ZFHX3: variants seen among roughly 807,000 people sequenced by gnomAD.
The protein encoded by ZFHX3 is zinc finger homeobox protein 3.
In ZFHX3, 42 loss-of-function variants were observed where a neutral mutation model predicts 279.1. That is an observed-to-expected ratio of 0.15 (90% CI 0.12 to 0.19). The LOEUF (loss-of-function observed/expected upper bound fraction) is 0.19, where lower values mean the gene tolerates loss of function less well. Ranked by LOEUF, ZFHX3 falls within the 10% of genes least tolerant of loss-of-function variation. The pLI, the probability that ZFHX3 is intolerant of heterozygous loss-of-function variation, is 1.00. For synonymous variants in ZFHX3, 2,293 were observed against 1,957.8 expected, an observed-to-expected ratio of 1.17 and a Z score of -4.52; for missense variants, 4,981 against 4,754.0, an observed-to-expected ratio of 1.05 and a Z score of -1.40.
At chr16:73,558,678 C>G (rs375860437) in intron 2 of ZFHX3, among the ~76,000 whole-genome samples, 27 of 151,888 alleles carry the variant, frequency 1.8e-4, no homozygotes. Flanking sequence ...AGCCCCTCCC[C>G]CCACACGCAC....
intron 3 of ZFHX3, among the ~76,000 whole-genome samples, chr16:73,447,460 C>A (rs567135257): frequency 2.0e-5 from 3 of 152,034 alleles, no homozygotes; most frequent in Non-Finnish European, 4.4e-5. Flanking sequence ...CCCCACAGTT[C>A]GGAGAAAAGC....
Position 72,849,533 on chromosome 16 carries a change from C to T in ZFHX3, c.3449-19674G>A, listed in dbSNP as rs193202179. On this transcript the variant is annotated intron_variant, in intron 4 of 9. Transcript: ENST00000268489. ...ATGCCCTGCCCACTTTCCACACTGC[C>T]ACTCATGGCACTAACCAGTGCATTA... 1.8e-4 allele frequency among the ~76,000 whole-genome samples: 27 copies of T among 152,312 alleles called. 1 individual carries two copies. In the East Asian group the frequency reaches 4.1e-3, roughly 23 times the overall value.
intron 5 of ZFHX3, among the ~76,000 whole-genome samples, chr16:73,238,509 T>G (rs1200959621): frequency 6.6e-6 from 1 of 152,172 alleles, no homozygotes; most frequent in African/African-American, 2.4e-5. Context: ...TTTTATTGTA[T>G]TCCTATCGCT....
intron 3 of ZFHX3, among the ~76,000 whole-genome samples, chr16:73,343,508 T>C (rs1353592109): frequency 6.6e-6 from 1 of 152,178 alleles, no homozygotes; most frequent in African/African-American, 2.4e-5. Context: ...GAGGAATGCT[T>C]GATCCCAGGA....
intron 1 of ZFHX3, among the ~76,000 whole-genome samples, chr16:73,845,025 G>A (rs1212621254): frequency 6.6e-6 from 1 of 152,108 alleles, no homozygotes; most frequent in African/African-American, 2.4e-5. Context: ...AAAGAAGGAA[G>A]AGGTGGTAGG....
At chr16:73,090,911 GAAAAA>G (rs57632636) in intron 8 of ZFHX3, among the ~76,000 whole-genome samples, 13 of 108,316 alleles carry the variant, frequency 1.2e-4, no homozygotes, top group African/African-American at 1.0e-4. Context: ...ATCCCATATT[GAAAAA>G]AAAAAAAAAA....
intron 3 of ZFHX3, among the ~76,000 whole-genome samples, chr16:73,440,602 C>G (rs1245502948): frequency 6.6e-6 from 1 of 152,174 alleles, no homozygotes; most frequent in African/African-American, 2.4e-5. Flanking sequence ...ACTATTGATT[C>G]ACAGTGGTGC....
intron 1 of ZFHX3, among the ~76,000 whole-genome samples, chr16:73,739,222 G>A (rs2053633245): frequency 6.6e-6 from 1 of 152,194 alleles, no homozygotes; most frequent in Non-Finnish European, 1.5e-5. Flanking sequence ...AGATACACAG[G>A]AGTTGTGCAT....
At chr16:73,651,801 G>A (rs1304204482) in intron 2 of ZFHX3, among the ~76,000 whole-genome samples, 1 of 147,944 alleles carries the variant, frequency 6.8e-6, no homozygotes, top group African/African-American at 2.5e-5. Context: ...CGAGCAGTGA[G>A]CGCAGATCAC....
intron 2 of ZFHX3, among the ~76,000 whole-genome samples, chr16:73,463,132 T>A (rs981997677): frequency 6.6e-6 from 1 of 152,230 alleles, no homozygotes; most frequent in Admixed American, 6.5e-5. Flanking sequence ...ATACTCATAG[T>A]TTCTGCTTCC....
At chr16:73,167,321 C>T (rs1478026778) in intron 5 of ZFHX3, among the ~76,000 whole-genome samples, 1 of 152,238 alleles carries the variant, frequency 6.6e-6, no homozygotes. Flanking sequence ...CAGCCCCCCT[C>T]CCTCCCAGCC....
chr16:72,882,047 G>T (rs1436799031), intron 4 of ZFHX3, among the ~76,000 whole-genome samples: 3 of 152,034 alleles, frequency 2.0e-5, no homozygotes, highest in Non-Finnish European at 4.4e-5. Flanking sequence ...GCCAACGGGG[G>T]TCTCTGGCAT....
intron 1 of ZFHX3, among the ~76,000 whole-genome samples, chr16:73,808,166 TGGGAAGAAAAA>T (rs151186321): frequency 0.06 from 9,059 of 152,038 alleles, 632 homozygotes; most frequent in African/African-American, 0.17. Context: ...GATGAAGACT[TGGGAAGAAAAA>T]GGGAAGAAAA....
In ZFHX3 at chr16:72,797,489, C is replaced by T. The variant is rs144110473; in HGVS notation, c.5193G>A (p.Gln1731=). Residue 1731 remains glutamine (Q), a synonymous_variant, in exon 9 of 10, where the codon CAG becomes CAA. Coordinates refer to ENST00000268489, the MANE Select transcript of ZFHX3 (RefSeq NM_006885.4). ...SRQQQQQQQQ[Q]QQQQQQQQQQ... ...GTTGTTGTTGTTGTTGTTGTTGTTG[C>T]TGTTGCTGCTGCTGTTGTTGCTGCT... The T allele has an allele frequency of 8.1e-6, 13 of 1,597,506 alleles. No individual in the cohort carries two copies. The highest frequency in any genetic ancestry group is 7.1e-5 in the African/African-American group (5 of 70,424).
chr16:73,709,933 G>A (rs1428106641), intron 1 of ZFHX3, among the ~76,000 whole-genome samples: 3 of 152,204 alleles, frequency 2.0e-5, no homozygotes, highest in African/African-American at 7.2e-5. Flanking sequence ...TGTAATCCCA[G>A]CACTTTGGGA....
At chr16:73,749,249 T>C (rs1477084456) in intron 1 of ZFHX3, among the ~76,000 whole-genome samples, 5 of 152,170 alleles carry the variant, frequency 3.3e-5, no homozygotes, top group Non-Finnish European at 7.4e-5. Flanking sequence ...TTCCTTGTCC[T>C]TCAAGGGTCA....
chr16:73,181,644 A>G (rs1967798300), intron 5 of ZFHX3, among the ~76,000 whole-genome samples: 1 of 152,216 alleles, frequency 6.6e-6, no homozygotes, highest in Non-Finnish European at 1.5e-5. Context: ...TGAATATACA[A>G]TCATCACTTA....
Position 72,795,026 on chromosome 16 carries a change from G to A in ZFHX3, c.7656C>T (p.His2552=), listed in dbSNP as rs1264480100. 1 of 1,614,242 alleles carries A rather than the reference G, an allele frequency of 6.2e-7. No homozygotes were observed. Among genetic ancestry groups the A allele is most frequent in the Non-Finnish European group, 8.5e-7 (1 of 1,180,050 alleles). Residue 2552 remains histidine, a synonymous_variant, in exon 9 of 10, where the codon CAC becomes CAT. Coordinates refer to ENST00000268489, the MANE Select transcript of ZFHX3 (RefSeq NM_006885.4). ...TGAACTGGTTCTGCGCGCTCAGGAAGTGGAGCTGCTGATGCTCCTGCCAGT... is the reference window on the plus strand; with the variant it reads ...TGAACTGGTTCTGCGCGCTCAGGAAATGGAGCTGCTGATGCTCCTGCCAGT... ...FEHWQEHQQL[H]FLSAQNQFIH...
At chr16:73,105,388 CACACACAT>C (rs1567389804) in intron 7 of ZFHX3, among the ~76,000 whole-genome samples, 20 of 125,450 alleles carry the variant, frequency 1.6e-4, no homozygotes, top group African/African-American at 6.9e-4. Flanking sequence ...TATATACACA[CACACACAT>C]ATATATATAT....
Sources: allele counts gnomAD v4.1 joint callset (sites outside exome capture counted in the v4.1 genomes callset), GRCh38; gene constraint gnomAD v4.1.1; transcripts MANE v1.5; gene names NCBI Gene and HGNC (gene_info 2026-07-23, HGNC 2026-07-21).